AHCYL2: variants seen among roughly 807,000 people sequenced by gnomAD.
AHCYL2 encodes the protein S-adenosylhomocysteine hydrolase-like protein 2.
A neutral mutation model predicts 81.4 loss-of-function variants in AHCYL2; 28 were observed. The observed-to-expected ratio is 0.34, with a 90% CI of 0.25 to 0.47. The LOEUF (loss-of-function observed/expected upper bound fraction) is 0.47. AHCYL2 is among the 20% of genes least tolerant of loss of function. The pLI is 1.00. For synonymous variants in AHCYL2, 272 were observed against 290.2 expected, an observed-to-expected ratio of 0.94 and a Z score of 0.64; for missense variants, 551 against 785.1, an observed-to-expected ratio of 0.70 and a Z score of 3.56.
chr7:129,376,153 G>A (rs995305372), intron 1 of AHCYL2, among the ~76,000 whole-genome samples: 1 of 152,118 alleles, frequency 6.6e-6, no homozygotes, highest in Non-Finnish European at 1.5e-5. Flanking sequence ...AAAAGACCCT[G>A]GTTCCAGACA....
chr7:129,250,761 A>C lies in AHCYL2; in HGVS notation c.363+25322A>C, dbSNP rs190101121. Among the ~76,000 whole-genome samples the C allele has an allele frequency of 4.2e-4, 64 of 152,360 alleles. 1 individual carries two copies. The highest frequency in any genetic ancestry group is 1.1e-3 in the Admixed American group (17 of 15,308). Reference sequence around the variant, plus strand: ...AAATTGGCATGTGTTAGTGAATATCACCTCTTGACATTTATATGTCTCTTA... The same window carrying C: ...AAATTGGCATGTGTTAGTGAATATCCCCTCTTGACATTTATATGTCTCTTA... On this transcript the variant is annotated intron_variant, in intron 1 of 16. Transcript: ENST00000325006.
Position 129,330,159 on chromosome 7 carries a change from G to A in AHCYL2, c.364-49479G>A, listed in dbSNP as rs12056066. 3.7e-3 allele frequency among the ~76,000 whole-genome samples: 568 copies of A among 151,912 alleles called. 25 individuals are homozygous for A. The East Asian group carries it at 0.089, about 24-fold the overall frequency. ...GCTGGGACTACAGGAATGCACCAGC[G>A]TGCTTGGCTAATTTATTTTCTTTGT... On this transcript the variant is annotated intron_variant, in intron 1 of 16. Coordinates refer to ENST00000325006, the MANE Select transcript of AHCYL2 (RefSeq NM_015328.4).
At chr7:129,263,555 T>C (rs897557509) in intron 1 of AHCYL2, among the ~76,000 whole-genome samples, 1 of 152,210 alleles carries the variant, frequency 6.6e-6, no homozygotes, top group African/African-American at 2.4e-5. Flanking sequence ...TTGAAGTAGC[T>C]TGAGGGAATA....
intron 1 of AHCYL2, among the ~76,000 whole-genome samples, chr7:129,320,387 G>A (rs1431027554): frequency 6.6e-6 from 1 of 152,100 alleles, no homozygotes; most frequent in Non-Finnish European, 1.5e-5. Flanking sequence ...GGCACGTCTC[G>A]GCTACTGCAA....
intron 1 of AHCYL2, among the ~76,000 whole-genome samples, chr7:129,354,642 C>T (rs1265976866): frequency 6.6e-6 from 1 of 152,132 alleles, no homozygotes. Context: ...CTCTTGCAAC[C>T]GAACATAGAC....
chr7:129,399,035 A>G, intron 5 of AHCYL2, among the ~76,000 whole-genome samples: 1 of 148,354 alleles, frequency 6.7e-6, no homozygotes, highest in East Asian at 2.1e-4. Context: ...CTAGCTACTC[A>G]TGAGGCTGAG....
At chr7:129,388,551 G>A (rs550855663) in intron 2 of AHCYL2, among the ~76,000 whole-genome samples, 12 of 152,238 alleles carry the variant, frequency 7.9e-5, no homozygotes, top group South Asian at 4.1e-4. Flanking sequence ...ATCAGAGTCC[G>A]TCTTAAAAAA....
chr7:129,416,116 T>C (rs73465351), intron 12 of AHCYL2, among the ~76,000 whole-genome samples: 2,013 of 152,308 alleles, frequency 0.013, 44 homozygotes, highest in African/African-American at 0.045. Context: ...TGTTTTGTTT[T>C]CCTGTGTGTT....
chr7:129,403,709 A>G (rs981834232), intron 7 of AHCYL2, among the ~76,000 whole-genome samples: 2 of 151,664 alleles, frequency 1.3e-5, no homozygotes, highest in African/African-American at 4.8e-5. Flanking sequence ...TAAAAATACA[A>G]AAAAATTAGC....
At chr7:129,322,106 GTT>G (rs34323262) in intron 1 of AHCYL2, among the ~76,000 whole-genome samples, 3,730 of 129,218 alleles carry the variant, frequency 0.029, 73 homozygotes, top group Admixed American at 0.067. Context: ...TCTGGGCCAG[GTT>G]TTGTGTGTGT....
intron 2 of AHCYL2, among the ~76,000 whole-genome samples, chr7:129,381,211 T>G (rs963050974): frequency 7.9e-5 from 12 of 152,100 alleles, no homozygotes; most frequent in Non-Finnish European, 2.9e-5. Flanking sequence ...AATAATAATA[T>G]CAAATTTTAA....
At chr7:129,236,061 A>T (rs1277793807) in intron 1 of AHCYL2, among the ~76,000 whole-genome samples, 2 of 139,962 alleles carry the variant, frequency 1.4e-5, no homozygotes, top group Admixed American at 1.6e-4. Context: ...AGACTCTGTC[A>T]CCTGGGCTGG....
At chr7:129,268,613 A>G (rs1795898343) in intron 1 of AHCYL2, among the ~76,000 whole-genome samples, 1 of 152,096 alleles carries the variant, frequency 6.6e-6, no homozygotes. Context: ...CGGCCTCCCA[A>G]AGTGTTGGGA....
At chr7:129,378,488 A>T (rs1360837070) in intron 1 of AHCYL2, among the ~76,000 whole-genome samples, 1 of 152,162 alleles carries the variant, frequency 6.6e-6, no homozygotes, top group African/African-American at 2.4e-5. Flanking sequence ...ACATTGTCTC[A>T]TTGAACCCTC....
intron 1 of AHCYL2, among the ~76,000 whole-genome samples, chr7:129,369,846 T>C (rs66479871): frequency 0.37 from 55,951 of 151,878 alleles, 10,994 homozygotes; most frequent in African/African-American, 0.52. Context: ...GCCACCACGC[T>C]CAGTCTTGTG....
intron 1 of AHCYL2, among the ~76,000 whole-genome samples, chr7:129,361,251 A>G (rs1793921263): frequency 6.6e-6 from 1 of 151,952 alleles, no homozygotes; most frequent in African/African-American, 2.4e-5. Context: ...TATTTGGAAT[A>G]CTCTTCTCAA....
chr7:129,370,507 G>A (rs1346204351), intron 1 of AHCYL2, among the ~76,000 whole-genome samples: 2 of 152,084 alleles, frequency 1.3e-5, no homozygotes, highest in East Asian at 1.9e-4. Context: ...GATCATCCTG[G>A]CTAACACAGT....
intron 1 of AHCYL2, among the ~76,000 whole-genome samples, chr7:129,324,273 C>A (rs1798141663): frequency 6.6e-6 from 1 of 152,046 alleles, no homozygotes; most frequent in African/African-American, 2.4e-5. Flanking sequence ...AAGTAGATGT[C>A]TTATAGGCAG....
At chr7:129,372,660 A>C (rs999200784) in intron 1 of AHCYL2, among the ~76,000 whole-genome samples, 4 of 152,090 alleles carry the variant, frequency 2.6e-5, no homozygotes, top group African/African-American at 9.7e-5. Flanking sequence ...AGTACAAAAA[A>C]AAATAAGCCA....
Sources: allele counts gnomAD v4.1 joint callset (sites outside exome capture counted in the v4.1 genomes callset), GRCh38; gene constraint gnomAD v4.1.1; transcripts MANE v1.5; gene names NCBI Gene and HGNC (gene_info 2026-07-23, HGNC 2026-07-21).